GLRA3: variants seen among roughly 807,000 people sequenced by gnomAD.
GLRA3 encodes the protein glycine receptor alpha 3.
In GLRA3, 44 loss-of-function variants were observed where a neutral mutation model predicts 60.4. The ratio of observed to expected loss-of-function variants is 0.73; its 90% CI spans 0.57 to 0.94. The LOEUF is 0.94. Among genes scored for constraint, GLRA3 ranks in the 40% least tolerant of loss-of-function variants. The pLI, the probability that GLRA3 is intolerant of heterozygous loss-of-function variation, is 0.00. For synonymous variants in GLRA3, 223 were observed against 192.9 expected (o/e 1.16, Z -1.29); for missense variants, 508 against 564.6 (o/e 0.90, Z 1.02).
At chr4:174,747,602 A>C (rs1737305393) in intron 3 of GLRA3, among the ~76,000 whole-genome samples, 1 of 152,136 alleles carries the variant, frequency 6.6e-6, no homozygotes, top group Non-Finnish European at 1.5e-5. Flanking sequence ...TGATCCCCAA[A>C]GTGGTGAAAA....
intron 3 of GLRA3, among the ~76,000 whole-genome samples, chr4:174,751,895 T>A (rs1017416059): frequency 6.6e-6 from 1 of 152,062 alleles, no homozygotes; most frequent in South Asian, 2.1e-4. Flanking sequence ...TACTAAAATT[T>A]CACGGGGAGG....
intron 2 of GLRA3, among the ~76,000 whole-genome samples, chr4:174,782,247 G>T (rs1738909472): frequency 6.6e-6 from 1 of 150,804 alleles, no homozygotes; most frequent in South Asian, 2.1e-4. Context: ...TGCAGAAAAA[G>T]CCTTTGACAA....
chr4:174,745,943 T>G (rs76387462), intron 3 of GLRA3, among the ~76,000 whole-genome samples: 24,048 of 152,004 alleles, frequency 0.16, 2,491 homozygotes, highest in African/African-American at 0.3. Flanking sequence ...AAAACACAAT[T>G]AGATATTATC....
chr4:174,735,397 T>G (rs1326724169), intron 3 of GLRA3, among the ~76,000 whole-genome samples: 1 of 152,212 alleles, frequency 6.6e-6, no homozygotes, highest in Non-Finnish European at 1.5e-5. Context: ...GGAAGTCTAC[T>G]AATACTTTTG....
Position 174,734,046 on chromosome 4 carries a change from T to A in GLRA3, c.268-5348A>T, listed in dbSNP as rs147240537. Among the ~76,000 whole-genome samples, 69 of 152,150 alleles carry A rather than the reference T, an allele frequency of 4.5e-4. No individual in the cohort carries two copies. In the East Asian group the frequency reaches 0.013, roughly 29 times the overall value. On this transcript the variant is annotated intron_variant, in intron 3 of 9. Coordinates refer to ENST00000274093, the MANE Select transcript of GLRA3 (RefSeq NM_006529.4). ...TTTTTTTTTGGCCGGTAATTGGAGA[T>A]GGTAGAAAACTTAAGGCAAATACCA...
At chr4:174,791,847 G>A (rs933309704) in intron 1 of GLRA3, among the ~76,000 whole-genome samples, 2 of 152,178 alleles carry the variant, frequency 1.3e-5, no homozygotes, top group African/African-American at 2.4e-5. Context: ...TCTCCCCAGA[G>A]TTTGGTGTTG....
intron 8 of GLRA3, among the ~76,000 whole-genome samples, chr4:174,657,880 A>G (rs1180924062): frequency 1.3e-5 from 2 of 152,294 alleles, no homozygotes; most frequent in East Asian, 3.9e-4. Context: ...CCGATGCTGA[A>G]TGCTGATGTT....
At chr4:174,814,977 TC>T (rs2111379811) in intron 1 of GLRA3, among the ~76,000 whole-genome samples, 1 of 152,246 alleles carries the variant, frequency 6.6e-6, no homozygotes, top group South Asian at 2.1e-4. Context: ...CAGTCTAAAG[TC>T]TCATAAGTGA....
rs987745923 is a variant in GLRA3 at position 174,639,792 on chromosome 4, C to A, written c.*3994G>T. 1 of 151,872 alleles carries A rather than the reference C, an allele frequency of 6.6e-6. No homozygotes were observed. 9.4% of individuals were successfully genotyped at this position (151,872 alleles called of 1,614,324 possible). ...AAATTAATGCAATTTACAGTGTACA[C>A]TGCTTATTTATCCATGAAAGGTTTA... On this transcript the variant is annotated 3_prime_UTR_variant, in exon 10 of 10. Coordinates refer to ENST00000274093, the MANE Select transcript of GLRA3 (RefSeq NM_006529.4).
chr4:174,672,804 G>C (rs1389595855), intron 7 of GLRA3, among the ~76,000 whole-genome samples: 1 of 152,106 alleles, frequency 6.6e-6, no homozygotes, highest in Non-Finnish European at 1.5e-5. Context: ...CAAGTGCCAA[G>C]AATCTCATAA....
intron 3 of GLRA3, among the ~76,000 whole-genome samples, 159 bp from the exon 4 acceptor site, chr4:174,728,857 T>A (rs1736433649): frequency 6.6e-6 from 1 of 152,172 alleles, no homozygotes; most frequent in South Asian, 2.1e-4. Context: ...TATACAAGTG[T>A]TGGGACAGAG....
rs1737605993 is a variant in GLRA3 at position 174,754,427 on chromosome 4, A to C, written c.267+12536T>G. Among the ~76,000 whole-genome samples the C allele has an allele frequency of 2.0e-5, 3 of 152,162 alleles. No homozygotes were observed. In the South Asian group the frequency reaches 6.2e-4, roughly 32 times the overall value. ...ACCTATTACTCAAAGTAAGAAAAAA[A>C]AGAGAAGGAGGATAAGATGTAAACA... On this transcript the variant is annotated intron_variant, in intron 3 of 9. Transcript: ENST00000274093.
chr4:174,715,646 G>A (rs1176154789), intron 4 of GLRA3, 76 bp from the exon 5 acceptor site: 2 of 678,478 alleles, frequency 2.9e-6, no homozygotes, highest in African/African-American at 3.7e-5. Context: ...GAGAAACAAT[G>A]TTGCTTTGCT....
At chr4:174,809,545 C>A (rs1374572501) in intron 1 of GLRA3, among the ~76,000 whole-genome samples, 1 of 152,030 alleles carries the variant, frequency 6.6e-6, no homozygotes, top group African/African-American at 2.4e-5. Flanking sequence ...CCAGCCTGGA[C>A]AACATGGCGA....
chr4:174,811,541 A>G (rs1278315664), intron 1 of GLRA3, among the ~76,000 whole-genome samples: 1 of 152,110 alleles, frequency 6.6e-6, no homozygotes, highest in Non-Finnish European at 1.5e-5. Flanking sequence ...CTCCTCCACT[A>G]AATTCTTATA....
intron 9 of GLRA3, 111 bp downstream of exon 9, chr4:174,656,632 C>G: frequency 1.7e-6 from 1 of 598,058 alleles, no homozygotes. Flanking sequence ...GCTTTCAATA[C>G]AAAAGGGGCT....
chr4:174,638,268 A>G lies in GLRA3; in HGVS notation c.*5518T>C, dbSNP rs183763261. 6 of 152,212 alleles carry G rather than the reference A, an allele frequency of 3.9e-5. No individual in the cohort carries two copies. Among genetic ancestry groups the G allele is most frequent in the African/African-American group, 1.4e-4 (6 of 41,562 alleles). The allele number at this position is 152,212 out of a possible 1,614,324, so 9.4% of individuals were successfully genotyped here. ...AGGAAAGCTGAATTGAAACGCATCA[A>G]AGATTTATTTTAAATTCTTTTTTTG... On this transcript the variant is annotated 3_prime_UTR_variant, in exon 10 of 10. Coordinates refer to ENST00000274093, the MANE Select transcript of GLRA3 (RefSeq NM_006529.4).
At chr4:174,697,249 T>C (rs899277047) in intron 5 of GLRA3, among the ~76,000 whole-genome samples, 19 of 152,204 alleles carry the variant, frequency 1.2e-4, no homozygotes, top group Non-Finnish European at 1.0e-4. Flanking sequence ...ACCAGAATCA[T>C]ATTTGGTCCA....
chr4:174,780,381 G>A (rs1322880155), intron 2 of GLRA3, among the ~76,000 whole-genome samples: 15 of 151,056 alleles, frequency 9.9e-5, no homozygotes, highest in African/African-American at 2.4e-4. Context: ...AAAGACCATC[G>A]AGACTAGGAA....
Sources: gnomAD v4.1 joint callset for allele counts (sites outside exome capture counted in the v4.1 genomes callset) on GRCh38, gnomAD v4.1.1 for gene constraint, MANE v1.5 for transcripts, NCBI Gene and HGNC (gene_info 2026-07-23, HGNC 2026-07-21) for gene names.